ZMYM4: variants seen among roughly 807,000 people sequenced by gnomAD.
ZMYM4 encodes zinc finger MYM-type protein 4.
A neutral mutation model predicts 183.2 loss-of-function variants in ZMYM4; 31 were observed. The ratio of observed to expected loss-of-function variants is 0.17; its 90% CI spans 0.13 to 0.23. The LOEUF (loss-of-function observed/expected upper bound fraction) is 0.23, where lower values mean the gene tolerates loss of function less well. Among genes scored for constraint, ZMYM4 ranks in the 10% least tolerant of loss-of-function variants. The probability of loss-of-function intolerance (pLI) is 1.00; values close to 1 mark genes in which losing one functional copy is unlikely to be tolerated. For missense variants in ZMYM4, 1,273 were observed against 1,840.3 expected (o/e 0.69, Z 5.64); for synonymous variants, 592 against 631.2 (o/e 0.94, Z 0.93).
At chr1:35,412,638 TTGAA>T (rs1217655310) in intron 26 of ZMYM4, among the ~76,000 whole-genome samples, 3 of 151,970 alleles carry the variant, frequency 2.0e-5, no homozygotes, top group Non-Finnish European at 4.4e-5. Context: ...TGTGATGAGT[TTGAA>T]TGAGTTTGAA....
At chr1:35,281,611 C>T (rs1640164412) in intron 1 of ZMYM4, among the ~76,000 whole-genome samples, 1 of 151,326 alleles carries the variant, frequency 6.6e-6, no homozygotes, top group Admixed American at 6.6e-5. Flanking sequence ...CACTGTGTAC[C>T]CCCTTAATTT....
At chr1:35,326,298 C>T (rs1379206103) in intron 2 of ZMYM4, among the ~76,000 whole-genome samples, 1 of 152,102 alleles carries the variant, frequency 6.6e-6, no homozygotes, top group East Asian at 1.9e-4. Flanking sequence ...GCTATACATG[C>T]ATACAAGAAA....
Position 35,408,861 on chromosome 1 carries a change from A to T in ZMYM4, c.3948+702A>T, listed in dbSNP as rs563313335. ...ACTAATAAGTACATTCTTAATGTGC[A>T]GTCATCACCACTGTCTATTCTGTAG... On this transcript the variant is annotated intron_variant, in intron 26 of 29. Transcript: ENST00000314607. 2.6e-5 allele frequency among the ~76,000 whole-genome samples: 4 copies of T among 152,374 alleles called. No homozygotes were observed. In the South Asian group the frequency reaches 8.3e-4, roughly 32 times the overall value.
rs564584706 is a variant in ZMYM4 at position 35,396,552 on chromosome 1, A to G, written c.2912A>G (p.Glu971Gly). ...PHTQNKECQT[E>G]DTPSQPQIIV... Reference sequence around the variant, plus strand: ...GTGATTTTGTTGTTGTTACTGTTAGAAGACACTCCAAGTCAGCCCCAGATT... The same window carrying G: ...GTGATTTTGTTGTTGTTACTGTTAGGAGACACTCCAAGTCAGCCCCAGATT... Residue 971 changes from glutamate (E) to glycine (G), a missense_variant and splice_region_variant, in exon 19 of 30, where the codon GAA (glutamate) becomes GGA (glycine). Transcript: ENST00000314607. 5.4e-5 allele frequency: 87 copies of G among 1,613,418 alleles called. 1 individual carries two copies. In the South Asian group the frequency reaches 9.1e-4, roughly 17 times the overall value.
In ZMYM4 at chr1:35,352,257, GCA is replaced by G. The variant is rs1295464946; in HGVS notation, c.86-6666_86-6665del. Among the ~76,000 whole-genome samples, 995 of 99,888 alleles carry G rather than the reference GCA, an allele frequency of 1.0e-2. 10 individuals carry two copies. The highest frequency in any genetic ancestry group is 0.017 in the South Asian group (46 of 2,772). 65.5% of individuals were successfully genotyped at this position (99,888 alleles called of 152,430 possible). On this transcript the variant is annotated intron_variant, in intron 2 of 29. Transcript: ENST00000314607. Reference sequence around the variant, plus strand: ...CTACTAATAATTTAAAAATTAGCGCGCACGCGCGCGCGCACACACACACACAC... The same window carrying G: ...CTACTAATAATTTAAAAATTAGCGCGCGCGCGCGCGCACACACACACACAC...
chr1:35,319,126 C>T lies in ZMYM4; in HGVS notation c.40-6234C>T, dbSNP rs188599641. On this transcript the variant is annotated intron_variant, in intron 1 of 29. Coordinates refer to ENST00000314607, the MANE Select transcript of ZMYM4 (RefSeq NM_005095.3). ...AACTCCCGACCTCAGGTGATCAGCC[C>T]GCCTCGGCCTCCCAAAATGCTGGGA... Among the ~76,000 whole-genome samples, 1,422 of 152,042 alleles carry T rather than the reference C, an allele frequency of 9.4e-3. 15 individuals carry two copies. The highest frequency in any genetic ancestry group is 0.015 in the Non-Finnish European group (1,046 of 67,972).
intron 2 of ZMYM4, among the ~76,000 whole-genome samples, chr1:35,342,919 C>T (rs1643256043): frequency 6.6e-6 from 1 of 151,944 alleles, no homozygotes; most frequent in African/African-American, 2.4e-5. Flanking sequence ...AGGCCTCAAG[C>T]GACCTGCCCG....
intron 3 of ZMYM4, 115 bp downstream of exon 3, chr1:35,359,561 G>C: frequency 2.8e-6 from 3 of 1,076,520 alleles, no homozygotes; most frequent in Non-Finnish European, 3.8e-6. Flanking sequence ...TTCATTGTAA[G>C]CTTGTCATTT....
chr1:35,286,577 C>G (rs1449992726), intron 1 of ZMYM4, among the ~76,000 whole-genome samples: 1 of 150,334 alleles, frequency 6.7e-6, no homozygotes, highest in Non-Finnish European at 1.5e-5. Context: ...CCTGAGCCTG[C>G]CTGCCTCTGT....
intron 1 of ZMYM4, among the ~76,000 whole-genome samples, chr1:35,290,325 A>G (rs1231795671): frequency 1.3e-5 from 2 of 152,170 alleles, no homozygotes; most frequent in Admixed American, 6.5e-5. Context: ...CATAACTACT[A>G]ATTGTACTTA....
chr1:35,301,805 A>C (rs1363633049), intron 1 of ZMYM4, among the ~76,000 whole-genome samples: 2 of 152,126 alleles, frequency 1.3e-5, no homozygotes, highest in Non-Finnish European at 2.9e-5. Flanking sequence ...GCTAACTCTG[A>C]ACCCTGTTTC....
In ZMYM4 at chr1:35,421,245, G is replaced by A. The variant is rs1321504234; in HGVS notation, c.*1568G>A. 6.6e-6 allele frequency: 1 copy of A among 152,552 alleles called. No homozygotes were observed. The highest frequency in any genetic ancestry group is 2.4e-5 in the African/African-American group (1 of 41,420). The allele number at this position is 152,552 out of a possible 1,614,324, so 9.4% of individuals were successfully genotyped here. ...TAGGCCTTCTGACATTGTGTACTTG[G>A]TGGTTCTGTCCCTCTGCCTGTAACA... On this transcript the variant is annotated 3_prime_UTR_variant, in exon 30 of 30. Transcript: ENST00000314607.
chr1:35,399,136 T>C, intron 22 of ZMYM4, 93 bp downstream of exon 22: 1 of 1,274,952 alleles, frequency 7.8e-7, no homozygotes, highest in South Asian at 1.4e-5. Flanking sequence ...CCAATTGTTA[T>C]TGATAATAAC....
intron 10 of ZMYM4, 114 bp downstream of exon 10, chr1:35,385,706 T>A: frequency 8.0e-7 from 1 of 1,243,704 alleles, no homozygotes; most frequent in Non-Finnish European, 1.1e-6. Context: ...ATATTTCAGA[T>A]ATTTGTTGTA....
intron 9 of ZMYM4, among the ~76,000 whole-genome samples, chr1:35,385,079 A>G (rs1237169462): frequency 1.3e-5 from 2 of 152,160 alleles, no homozygotes; most frequent in Middle Eastern, 3.2e-3. Context: ...TCCTGACCTC[A>G]GGTGATCCAC....
At chr1:35,352,719 T>G (rs1474985310) in intron 2 of ZMYM4, among the ~76,000 whole-genome samples, 1 of 152,186 alleles carries the variant, frequency 6.6e-6, no homozygotes, top group Non-Finnish European at 1.5e-5. Flanking sequence ...GTCTCCTCAT[T>G]TTTCTCCTAC....
Position 35,350,541 on chromosome 1 carries a change from C to T in ZMYM4, c.86-8384C>T, listed in dbSNP as rs547460601. Among the ~76,000 whole-genome samples the T allele has an allele frequency of 2.6e-5, 4 of 152,228 alleles. No individual in the cohort carries two copies. In the East Asian group the frequency reaches 7.7e-4, roughly 29 times the overall value. ...ACCTCAGGTAATCCGCCCACCCCAC[C>T]CTCCCAAGATGCTGGGATTACAGGC... On this transcript the variant is annotated intron_variant, in intron 2 of 29. Transcript: ENST00000314607.
At chr1:35,289,918 A>C (rs1433879114) in intron 1 of ZMYM4, among the ~76,000 whole-genome samples, 1 of 152,090 alleles carries the variant, frequency 6.6e-6, no homozygotes, top group Non-Finnish European at 1.5e-5. Flanking sequence ...AAATTATGAC[A>C]ATATATCATA....
intron 2 of ZMYM4, among the ~76,000 whole-genome samples, chr1:35,342,660 G>A (rs1050986688): frequency 1.3e-5 from 2 of 151,576 alleles, no homozygotes; most frequent in Admixed American, 6.6e-5. Context: ...GAAGTTGTAA[G>A]GATCCTTTTT....
Sources: gnomAD v4.1 joint callset for allele counts (sites outside exome capture counted in the v4.1 genomes callset) on GRCh38, gnomAD v4.1.1 for gene constraint, MANE v1.5 for transcripts, NCBI Gene and HGNC (gene_info 2026-07-23, HGNC 2026-07-21) for gene names.